Variants in AGPAT3 observed in about 807,000 individuals in gnomAD.
The protein encoded by AGPAT3 is 1-acylglycerol-3-phosphate O-acyltransferase 3.
A neutral mutation model predicts 47.3 loss-of-function variants in AGPAT3; 5 were observed. The observed-to-expected ratio is 0.11, with a 90% CI of 0.06 to 0.22. The LOEUF is 0.22. AGPAT3 is among the 10% of genes least tolerant of loss of function. The pLI, the probability that AGPAT3 is intolerant of heterozygous loss-of-function variation, is 1.00. For missense variants in AGPAT3, 315 were observed against 493.0 expected (o/e 0.64, Z 3.42); for synonymous variants, 212 against 208.3 (o/e 1.02, Z -0.15).
At chr21:43,897,659 C>T (rs374550152) in intron 1 of AGPAT3, among the ~76,000 whole-genome samples, 8 of 127,162 alleles carry the variant, frequency 6.3e-5, no homozygotes, top group East Asian at 3.9e-4. Context: ...ACATCCCAGA[C>T]GGGGCGGCCG....
chr21:43,868,915 A>G (rs1259422311), intron 1 of AGPAT3, among the ~76,000 whole-genome samples: 5 of 152,226 alleles, frequency 3.3e-5, no homozygotes. Context: ...GCAAATCTAG[A>G]TTTAAACAAA....
In AGPAT3 at chr21:43,946,705, G is replaced by A. The variant is rs147724678; in HGVS notation, c.-48-12929G>A. ...AGAGTAAAAGTAGTTATTATAACGC[G>A]TAGTTCGTTGTAAGAAAATTATGTC... On this transcript the variant is annotated intron_variant, in intron 2 of 9. Coordinates refer to ENST00000291572, the MANE Select transcript of AGPAT3 (RefSeq NM_020132.5). Among the ~76,000 whole-genome samples, 682 of 152,278 alleles carry A rather than the reference G, an allele frequency of 4.5e-3. 7 individuals carry two copies. The highest frequency in any genetic ancestry group is 0.027 in the Middle Eastern group (8 of 294).
chr21:43,978,004 A>T, intron 7 of AGPAT3, 42 bp from the exon 8 acceptor site: 1 of 1,537,848 alleles, frequency 6.5e-7, no homozygotes, highest in Non-Finnish European at 9.0e-7. Context: ...GTGTGAGGTC[A>T]TGTGGTGATT....
At chr21:43,964,189 AG>A (rs1210829766) in intron 3 of AGPAT3, among the ~76,000 whole-genome samples, 2 of 150,930 alleles carry the variant, frequency 1.3e-5, no homozygotes, top group African/African-American at 4.9e-5. Flanking sequence ...GTTCAAGACC[AG>A]CCTGGTCAAC....
At chr21:43,928,739 C>T (rs1471051267) in intron 2 of AGPAT3, among the ~76,000 whole-genome samples, 4 of 152,182 alleles carry the variant, frequency 2.6e-5, no homozygotes, top group Admixed American at 1.3e-4. Context: ...CTGGGGCACT[C>T]GCTACTGGAG....
chr21:43,909,855 C>T (rs1383125834), intron 2 of AGPAT3, among the ~76,000 whole-genome samples: 1 of 152,158 alleles, frequency 6.6e-6, no homozygotes, highest in African/African-American at 2.4e-5. Context: ...ATTAGTACAC[C>T]GTCCTGCAGG....
At chr21:43,946,334 T>C (rs147480241) in intron 2 of AGPAT3, among the ~76,000 whole-genome samples, 1 of 152,350 alleles carries the variant, frequency 6.6e-6, no homozygotes, top group Non-Finnish European at 1.5e-5. Context: ...GCACAGTGGC[T>C]CACGCCTATA....
chr21:43,892,505 A>G (rs2086124061), intron 1 of AGPAT3, among the ~76,000 whole-genome samples: 1 of 152,186 alleles, frequency 6.6e-6, no homozygotes. Flanking sequence ...CTCAACAGTG[A>G]GCTTAAAATA....
Position 43,959,934 on chromosome 21 carries a change from C to T in AGPAT3, c.178+75C>T, listed in dbSNP as rs116740715. ...GGCGCGCGACCATGCACGGGGCAGCCGTGGGCTCTCAGGCAGGAAGTGAGG... is the reference window on the plus strand; with the variant it reads ...GGCGCGCGACCATGCACGGGGCAGCTGTGGGCTCTCAGGCAGGAAGTGAGG... On this transcript the variant is annotated intron_variant, in intron 3 of 9. Transcript: ENST00000291572. The T allele has an allele frequency of 5.8e-4, 853 of 1,472,216 alleles. 8 individuals are homozygous for T. The African/African-American group carries it at 1.0e-2, about 17-fold the overall frequency. The allele number at this position is 1,472,216 out of a possible 1,614,324, so 91.2% of individuals were successfully genotyped here.
At chr21:43,911,099 A>G (rs146899212) in intron 2 of AGPAT3, among the ~76,000 whole-genome samples, 48 of 152,362 alleles carry the variant, frequency 3.2e-4, no homozygotes, top group African/African-American at 1.1e-3. Context: ...ACATACACCG[A>G]CAGAGTTTCC....
chr21:43,871,662 A>C (rs970756441), intron 1 of AGPAT3, among the ~76,000 whole-genome samples: 2 of 152,206 alleles, frequency 1.3e-5, no homozygotes, highest in African/African-American at 4.8e-5. Flanking sequence ...AGCATCCTGC[A>C]TATTTATTGG....
rs1437132363 is a variant in AGPAT3, at chr21:43,952,821, C to G, written c.-48-6813C>G. ...AGGCCCACTGTCACACCTCCCAGCCCCAGCCCCAGAAATCAGATGGAGCCC... is the reference window on the plus strand; with the variant it reads ...AGGCCCACTGTCACACCTCCCAGCCGCAGCCCCAGAAATCAGATGGAGCCC... On this transcript the variant is annotated intron_variant, in intron 2 of 9. Transcript: ENST00000291572. This position sits in a 1 kb window ranked among gnomAD's most constrained non-coding sequence, Gnocchi z 5.6. 6.6e-6 allele frequency among the ~76,000 whole-genome samples: 1 copy of G among 152,066 alleles called. No individual in the cohort carries two copies. Among genetic ancestry groups the G allele is most frequent in the Admixed American group, 6.5e-5 (1 of 15,270 alleles).
intron 2 of AGPAT3, among the ~76,000 whole-genome samples, chr21:43,907,263 A>C (rs925351281): frequency 6.6e-6 from 1 of 151,986 alleles, no homozygotes. Context: ...TCCTGGGCTC[A>C]AGCCCATCTG....
chr21:43,942,321 CCAGGGAG>C (rs1276672992), intron 2 of AGPAT3, among the ~76,000 whole-genome samples: 13 of 152,176 alleles, frequency 8.5e-5, no homozygotes, highest in African/African-American at 3.1e-4. Flanking sequence ...CACCACGGGT[CCAGGGAG>C]GCCTCGCCAG....
At chr21:43,914,305 G>A (rs2086685746) in intron 2 of AGPAT3, among the ~76,000 whole-genome samples, 1 of 152,160 alleles carries the variant, frequency 6.6e-6, no homozygotes, top group African/African-American at 2.4e-5. Context: ...TGAATTTTAT[G>A]TCAGTGTTGC....
chr21:43,897,740 G>C lies in AGPAT3; in HGVS notation c.-111-6217G>C, dbSNP rs879326063. The stretch of plus-strand genomic sequence containing the variant: ...CGCTCCTCACTTCCTAGACGGGGTG[G>C]CAGCCGGGCAGAGGCTGTAATCTTA... On this transcript the variant is annotated intron_variant, in intron 1 of 9. Transcript: ENST00000291572. 2.2e-3 allele frequency among the ~76,000 whole-genome samples: 339 copies of C among 152,210 alleles called. 1 individual carries two copies. Among genetic ancestry groups the C allele is most frequent in the Non-Finnish European group, 3.9e-3 (265 of 68,002 alleles).
chr21:43,928,802 G>C (rs1447152329), intron 2 of AGPAT3, among the ~76,000 whole-genome samples: 1 of 152,172 alleles, frequency 6.6e-6, no homozygotes, highest in Non-Finnish European at 1.5e-5. Flanking sequence ...GGCTACCTAC[G>C]GATACTACAG....
At position 43,907,776 on chromosome 21, in the gene AGPAT3, G is replaced by T. The variant is rs370478785; in HGVS notation, c.-49+3757G>T. ...AGCTTCCTAAGAGCTTGCGTTTTCG[G>T]TTTCATCTGATTCCCTCTGTGAAAA... On this transcript the variant is annotated intron_variant, in intron 2 of 9. Transcript: ENST00000291572. Among the ~76,000 whole-genome samples, 3 of 152,280 alleles carry T rather than the reference G, an allele frequency of 2.0e-5. No individual in the cohort carries two copies. The East Asian group carries it at 5.8e-4, about 29-fold the overall frequency.
At chr21:43,942,152 C>T (rs917221551) in intron 2 of AGPAT3, among the ~76,000 whole-genome samples, 1 of 152,244 alleles carries the variant, frequency 6.6e-6, no homozygotes, top group Non-Finnish European at 1.5e-5. Flanking sequence ...ACTTGCAGTA[C>T]GACCTGGGAG....
Sources: gnomAD v4.1 joint callset for allele counts (sites outside exome capture counted in the v4.1 genomes callset) on GRCh38, gnomAD v4.1.1 for gene constraint, Gnocchi (gnomAD v3.1) non-coding constraint, MANE v1.5 for transcripts, NCBI Gene and HGNC (gene_info 2026-07-23, HGNC 2026-07-21) for gene names.